MARCHF1: variants seen among roughly 807,000 people sequenced by gnomAD.
MARCHF1 encodes E3 ubiquitin-protein ligase MARCHF1.
In MARCHF1, 40 loss-of-function variants were observed where a neutral mutation model predicts 54.2. That is an observed-to-expected ratio of 0.74 (90% CI 0.57 to 0.96). The LOEUF (loss-of-function observed/expected upper bound fraction) is 0.96. Ranked by LOEUF, MARCHF1 falls within the 40% of genes least tolerant of loss-of-function variation. The pLI is 0.00. For missense variants in MARCHF1, 586 were observed against 656.5 expected (o/e 0.89, Z 1.17); for synonymous variants, 236 against 236.3 (o/e 1.00, Z 0.01).
At chr4:164,141,687 C>T (rs932382490) in intron 1 of MARCHF1, among the ~76,000 whole-genome samples, 6 of 152,250 alleles carry the variant, frequency 3.9e-5, no homozygotes, top group Non-Finnish European at 8.8e-5. Context: ...CACATACCCT[C>T]TTAAAGGTAC....
intron 3 of MARCHF1, among the ~76,000 whole-genome samples, chr4:163,877,944 G>A (rs968760704): frequency 2.6e-5 from 4 of 152,174 alleles, no homozygotes; most frequent in East Asian, 3.9e-4. Flanking sequence ...AAACATGGAA[G>A]TGAAAGCAGA....
At chr4:163,854,212 G>A in intron 3 of MARCHF1, 43 bp from the exon 4 acceptor site, 1 of 1,375,658 alleles carries the variant, frequency 7.3e-7, no homozygotes, top group South Asian at 1.5e-5. Flanking sequence ...ACTTATTTTA[G>A]CTGTGTTTTG....
intron 1 of MARCHF1, among the ~76,000 whole-genome samples, chr4:164,304,783 T>G (rs1289184446): frequency 6.6e-6 from 1 of 152,212 alleles, no homozygotes; most frequent in East Asian, 1.9e-4. Context: ...TGCTACAGTT[T>G]TATAAATGCC....
chr4:163,980,902 C>G (rs558193025), intron 3 of MARCHF1, among the ~76,000 whole-genome samples: 1 of 152,186 alleles, frequency 6.6e-6, no homozygotes, highest in Non-Finnish European at 1.5e-5. Context: ...AGATCTAAGT[C>G]TGTACATGTT....
intron 4 of MARCHF1, among the ~76,000 whole-genome samples, chr4:163,791,122 C>T (rs551893263): frequency 1.2e-4 from 19 of 152,158 alleles, no homozygotes; most frequent in African/African-American, 3.1e-4. Flanking sequence ...GAAAATTTTA[C>T]GGTAGGAGAA....
In MARCHF1 at chr4:164,160,372, T is replaced by C. The variant is rs76650287; in HGVS notation, c.-322-48710A>G. On this transcript the variant is annotated intron_variant, in intron 1 of 9. Coordinates refer to ENST00000514618, the MANE Select transcript of MARCHF1 (RefSeq NM_001394959.1). ...AATGCTATAGGCAACTGGAACACAA[T>C]GGTCTCTGTGTATTTAAGCATATCT... Among the ~76,000 whole-genome samples the C allele has an allele frequency of 8.7e-3, 1,322 of 152,202 alleles. 20 individuals carry two copies. Among genetic ancestry groups the C allele is most frequent in the African/African-American group, 0.03 (1,241 of 41,546 alleles).
At chr4:164,181,678 G>A (rs749748549) in intron 1 of MARCHF1, among the ~76,000 whole-genome samples, 4 of 152,088 alleles carry the variant, frequency 2.6e-5, no homozygotes, top group Admixed American at 6.5e-5. Flanking sequence ...TTTTTAGTAC[G>A]ATGAAATAGA....
intron 4 of MARCHF1, among the ~76,000 whole-genome samples, chr4:163,732,330 CAT>C (rs1035235604): frequency 6.6e-6 from 1 of 151,844 alleles, no homozygotes; most frequent in African/African-American, 2.4e-5. Context: ...AACTTGAAGA[CAT>C]AGTGCAAACA....
At chr4:164,025,509 A>G (rs1753746983) in intron 2 of MARCHF1, among the ~76,000 whole-genome samples, 2 of 152,140 alleles carry the variant, frequency 1.3e-5, no homozygotes, top group Admixed American at 1.3e-4. Flanking sequence ...CAACAAAATT[A>G]AGGCCAAAAA....
chr4:163,670,153 A>C (rs1034783084), intron 5 of MARCHF1, among the ~76,000 whole-genome samples: 49 of 152,248 alleles, frequency 3.2e-4, no homozygotes, highest in African/African-American at 1.1e-3. Flanking sequence ...TAGGTTAAAA[A>C]GATTAAAATT....
rs1744893758 is a variant in MARCHF1, at chr4:163,704,453, T to C, written c.112-3590A>G. Among the ~76,000 whole-genome samples, 3 of 151,972 alleles carry C rather than the reference T, an allele frequency of 2.0e-5. No individual in the cohort carries two copies. The South Asian group carries it at 6.2e-4, about 31-fold the overall frequency. On this transcript the variant is annotated intron_variant, in intron 4 of 9. Coordinates refer to ENST00000514618, the MANE Select transcript of MARCHF1 (RefSeq NM_001394959.1). ...AAAAAATCTCATACCTATTAAGTTATAAACATTTAATGTCTATGAAACATT... is the reference window on the plus strand; with the variant it reads ...AAAAAATCTCATACCTATTAAGTTACAAACATTTAATGTCTATGAAACATT...
At chr4:164,346,230 C>A (rs1410116522) in intron 1 of MARCHF1, among the ~76,000 whole-genome samples, 1 of 152,044 alleles carries the variant, frequency 6.6e-6, no homozygotes, top group African/African-American at 2.4e-5. Context: ...GAAAATGAGT[C>A]TCTTAGGAGT....
chr4:164,265,381 A>AGATTCTT (rs1733583934), intron 1 of MARCHF1, among the ~76,000 whole-genome samples: 1 of 152,132 alleles, frequency 6.6e-6, no homozygotes, highest in African/African-American at 2.4e-5. Flanking sequence ...AACAATCTTT[A>AGATTCTT]GATTCTTTGT....
At chr4:163,563,781 A>T (rs1739552451) in intron 8 of MARCHF1, among the ~76,000 whole-genome samples, 1 of 152,210 alleles carries the variant, frequency 6.6e-6, no homozygotes, top group African/African-American at 2.4e-5. Context: ...GGCACTATTA[A>T]GCAATGTGTG....
intron 1 of MARCHF1, among the ~76,000 whole-genome samples, chr4:164,208,136 A>C (rs1394433050): frequency 6.6e-6 from 1 of 152,152 alleles, no homozygotes; most frequent in Admixed American, 6.5e-5. Context: ...GGATTAACTC[A>C]TCAGTGTCTC....
intron 1 of MARCHF1, among the ~76,000 whole-genome samples, chr4:164,220,845 A>G (rs916179006): frequency 6.6e-6 from 1 of 150,646 alleles, no homozygotes; most frequent in African/African-American, 2.4e-5. Context: ...ATTCCTACAC[A>G]TCAGTTATCA....
intron 4 of MARCHF1, among the ~76,000 whole-genome samples, chr4:163,833,053 G>A (rs1396946501): frequency 1.3e-5 from 2 of 151,860 alleles, no homozygotes; most frequent in South Asian, 2.1e-4. Context: ...ATAAACATAC[G>A]TGTGCATGTG....
chr4:164,331,238 G>A (rs759992228), intron 1 of MARCHF1, among the ~76,000 whole-genome samples: 1 of 151,968 alleles, frequency 6.6e-6, no homozygotes, highest in Admixed American at 6.6e-5. Context: ...AAAGTAAACA[G>A]TGGCTCATTC....
At chr4:163,904,952 T>C (rs370440527) in intron 3 of MARCHF1, among the ~76,000 whole-genome samples, 11 of 152,154 alleles carry the variant, frequency 7.2e-5, no homozygotes, top group East Asian at 5.8e-4. Flanking sequence ...CTAAAGCTGG[T>C]TCTGCTACAA....
Sources: allele counts gnomAD v4.1 joint callset (sites outside exome capture counted in the v4.1 genomes callset), GRCh38; gene constraint gnomAD v4.1.1; transcripts MANE v1.5; gene names NCBI Gene and HGNC (gene_info 2026-07-23, HGNC 2026-07-21).